STK3: variants seen among roughly 807,000 people sequenced by gnomAD.
The protein encoded by STK3 is serine/threonine kinase 3.
In STK3, 41 loss-of-function variants were observed where a neutral mutation model predicts 58.0. The ratio of observed to expected loss-of-function variants is 0.71; its 90% CI spans 0.55 to 0.92. The LOEUF (loss-of-function observed/expected upper bound fraction) is 0.92, where lower values mean the gene tolerates loss of function less well. STK3 is among the 40% of genes least tolerant of loss of function. The probability of loss-of-function intolerance (pLI) is 0.00; values close to 1 mark genes in which losing one functional copy is unlikely to be tolerated. For synonymous variants in STK3, 170 were observed against 191.0 expected (o/e 0.89, Z 0.91); for missense variants, 479 against 602.7 (o/e 0.79, Z 2.15).
rs570606891 is a variant in STK3 at position 98,800,320 on chromosome 8, G to C, written c.26+25195C>G. Among the ~76,000 whole-genome samples the C allele has an allele frequency of 2.0e-5, 3 of 152,286 alleles. No homozygotes were observed. The highest frequency in any genetic ancestry group is 7.2e-5 in the African/African-American group (3 of 41,566). On this transcript the variant is annotated intron_variant, in intron 1 of 10. Coordinates refer to ENST00000419617, the MANE Select transcript of STK3 (RefSeq NM_006281.4). The surrounding 1 kb of genome is among the most constrained non-coding windows in gnomAD (Gnocchi z 4.8). ...CCTCTGGAGGACACTACAACTGCAG[G>C]GCCCCTTCAAAGCCCCTATCCAGCA... is the stretch of plus-strand genomic sequence containing the variant.
chr8:98,529,943 A>G (rs756049663), intron 9 of STK3, among the ~76,000 whole-genome samples: 1 of 152,146 alleles, frequency 6.6e-6, no homozygotes, highest in Non-Finnish European at 1.5e-5. Flanking sequence ...AGTTATGGAA[A>G]TTGATGGTGG....
At chr8:98,657,972 T>C (rs1039597184) in intron 6 of STK3, among the ~76,000 whole-genome samples, 2 of 151,982 alleles carry the variant, frequency 1.3e-5, no homozygotes, top group African/African-American at 4.8e-5. Flanking sequence ...ATAAAGAAAG[T>C]AAAATTTAGG....
chr8:98,368,824 C>G (rs562225570), downstream of STK3, among the ~76,000 whole-genome samples: 1 of 152,280 alleles, frequency 6.6e-6, no homozygotes, highest in East Asian at 1.9e-4. Context: ...GGTGACCTTA[C>G]GTAGGCCTTC....
At chr8:98,934,574 A>C (rs1840127801) in intron 1 of STK3, among the ~76,000 whole-genome samples, 1 of 152,246 alleles carries the variant, frequency 6.6e-6, no homozygotes, top group African/African-American at 2.4e-5. Context: ...GTGTCAGTGA[A>C]AACGATGTAG....
intron 6 of STK3, among the ~76,000 whole-genome samples, chr8:98,630,042 G>T (rs999200021): frequency 6.6e-6 from 1 of 151,974 alleles, no homozygotes; most frequent in East Asian, 1.9e-4. Context: ...ACCCTGCCTC[G>T]CCTGTTCCTT....
chr8:98,368,219 C>T (rs578175295), downstream of STK3, among the ~76,000 whole-genome samples: 2 of 152,304 alleles, frequency 1.3e-5, no homozygotes, highest in East Asian at 1.9e-4. Context: ...AGAGCTATAG[C>T]CTATCTTCCT....
the STK3 span, among the ~76,000 whole-genome samples, chr8:98,352,178 A>C: frequency 6.6e-6 from 1 of 152,006 alleles, no homozygotes; most frequent in Non-Finnish European, 1.5e-5. Context: ...GTTCTGACAA[A>C]AGGCCTCAAC....
At chr8:98,791,991 C>T (rs898799251) in intron 1 of STK3, among the ~76,000 whole-genome samples, 13 of 152,078 alleles carry the variant, frequency 8.5e-5, no homozygotes, top group Admixed American at 7.2e-4. Flanking sequence ...AGCTTTTGCA[C>T]GACAAAAGAA....
downstream of STK3, among the ~76,000 whole-genome samples, chr8:98,452,097 GC>G (rs1819224582): frequency 2.0e-5 from 3 of 152,138 alleles, no homozygotes; most frequent in South Asian, 4.2e-4. Context: ...AATGAAAATA[GC>G]AATCCTATTG....
intron 1 of STK3, among the ~76,000 whole-genome samples, chr8:98,926,677 G>A (rs1437223574): frequency 6.6e-6 from 1 of 152,168 alleles, no homozygotes; most frequent in Non-Finnish European, 1.5e-5. Context: ...TACAAATGCA[G>A]TTGTAAAATT....
intron 7 of STK3, among the ~76,000 whole-genome samples, chr8:98,586,375 C>T (rs201151843): frequency 5.7e-4 from 86 of 151,694 alleles, no homozygotes; most frequent in African/African-American, 1.8e-3. Flanking sequence ...TTGTCTTTGG[C>T]TCTGTTTATA....
chr8:98,901,891 A>G (rs1192754457), intron 1 of STK3, among the ~76,000 whole-genome samples: 1 of 152,218 alleles, frequency 6.6e-6, no homozygotes, highest in African/African-American at 2.4e-5. Context: ...GGCAGTAAAG[A>G]AGACAAAGGG....
chr8:98,708,932 C>G (rs1387823840), intron 4 of STK3, among the ~76,000 whole-genome samples: 3 of 139,468 alleles, frequency 2.2e-5, no homozygotes, highest in Admixed American at 1.4e-4. Flanking sequence ...TAGATAGCTT[C>G]AGGATGGGAG....
In STK3 at chr8:98,434,538, TC is replaced by T. The variant is rs575480763; in HGVS notation, n.292-221del. 1.2e-4 allele frequency among the ~76,000 whole-genome samples: 19 copies of T among 152,338 alleles called. No individual in the cohort carries two copies. In the East Asian group the frequency reaches 3.7e-3, roughly 29 times the overall value. ...CCGGTCAATGGTGCAGGTCTGAAAC[TC>T]TGCAACATTTTCCTCCTTCTGGGAC... On this transcript the variant is annotated intron_variant and non_coding_transcript_variant, in intron 2 of 3. Transcript: ENST00000517832.
At chr8:98,546,077 A>G (rs1191576901) in intron 9 of STK3, among the ~76,000 whole-genome samples, 3 of 152,186 alleles carry the variant, frequency 2.0e-5, no homozygotes, top group Non-Finnish European at 4.4e-5. Context: ...AAGTTGGCTC[A>G]TGGGATTTAA....
intron 1 of STK3, among the ~76,000 whole-genome samples, chr8:98,941,242 C>G (rs1423497091): frequency 6.6e-6 from 1 of 152,264 alleles, no homozygotes; most frequent in East Asian, 1.9e-4. Context: ...AATTCTTAGC[C>G]TTTTGCCCTT....
intron 10 of STK3, among the ~76,000 whole-genome samples, chr8:98,524,429 T>C (rs1469391940): frequency 6.6e-6 from 1 of 152,260 alleles, no homozygotes; most frequent in East Asian, 1.9e-4. Flanking sequence ...AATGACTCTG[T>C]AGATTGCTTT....
chr8:98,857,846 A>G (rs1836737585), intron 3 of STK3, among the ~76,000 whole-genome samples: 1 of 152,212 alleles, frequency 6.6e-6, no homozygotes, highest in Admixed American at 6.5e-5. Flanking sequence ...AGGATTAAAA[A>G]AAGCTGATGA....
chr8:98,710,475 C>T (rs939448988), intron 4 of STK3, among the ~76,000 whole-genome samples: 13 of 152,228 alleles, frequency 8.5e-5, no homozygotes, highest in East Asian at 1.9e-4. Context: ...TCTTAGCAAA[C>T]GGCACACCAG....
Sources: allele counts gnomAD v4.1 joint callset (sites outside exome capture counted in the v4.1 genomes callset), GRCh38; gene constraint gnomAD v4.1.1; non-coding constraint Gnocchi (gnomAD v3.1); transcripts MANE v1.5; gene names NCBI Gene and HGNC (gene_info 2026-07-23, HGNC 2026-07-21).